The following PTPN3 variants were observed in gnomAD, a reference collection of about 807,000 sequenced individuals.
The protein encoded by PTPN3 is tyrosine-protein phosphatase non-receptor type 3.
In PTPN3, 96 loss-of-function variants were observed where a neutral mutation model predicts 132.7. The ratio of observed to expected loss-of-function variants is 0.72; its 90% CI spans 0.61 to 0.86. The LOEUF is 0.86. PTPN3 is among the 40% of genes least tolerant of loss of function. The pLI is 0.00. For missense variants in PTPN3, 1,125 were observed against 1,159.6 expected (o/e 0.97, Z 0.43); for synonymous variants, 398 against 429.0 (o/e 0.93, Z 0.89).
intron 17 of PTPN3, among the ~76,000 whole-genome samples, 195 bp downstream of exon 17, chr9:109,408,126 T>C (rs909825586): frequency 2.0e-5 from 3 of 152,190 alleles, no homozygotes; most frequent in African/African-American, 7.2e-5. Flanking sequence ...GCATTTCTAA[T>C]GAGGTCCCAG....
intron 5 of PTPN3, chr9:109,451,085 C>T (rs1311230440): frequency 1.0e-6 from 1 of 972,000 alleles, no homozygotes; most frequent in African/African-American, 1.8e-5. Flanking sequence ...TGGTAGAAGC[C>T]TGGTCCAAGA....
chr9:109,411,717 T>C (rs1842091682), intron 14 of PTPN3, among the ~76,000 whole-genome samples: 1 of 152,234 alleles, frequency 6.6e-6, no homozygotes, highest in African/African-American at 2.4e-5. Context: ...ATGAAATTGG[T>C]GCTTCTCTTT....
chr9:109,433,876 C>T (rs1843834783), intron 9 of PTPN3, among the ~76,000 whole-genome samples: 1 of 145,430 alleles, frequency 6.9e-6, no homozygotes, highest in African/African-American at 2.6e-5. Flanking sequence ...CGTGATTGTG[C>T]CACCATGCTC....
At chr9:109,393,543 C>T (rs1399263624) in intron 19 of PTPN3, among the ~76,000 whole-genome samples, 1 of 151,846 alleles carries the variant, frequency 6.6e-6, no homozygotes, top group Non-Finnish European at 1.5e-5. Context: ...TCCATCACCA[C>T]ACCTGCTTAA....
intron 22 of PTPN3, 65 bp downstream of exon 22, chr9:109,389,168 G>A (rs1839844819): frequency 6.3e-7 from 1 of 1,577,856 alleles, no homozygotes; most frequent in African/African-American, 1.3e-5. Context: ...TCAGCGCTGA[G>A]ATTCATGTTA....
chr9:109,463,151 T>C, intron 2 of PTPN3, 146 bp downstream of exon 2: 1 of 858,842 alleles, frequency 1.2e-6, no homozygotes, highest in East Asian at 2.9e-5. Flanking sequence ...TTTAAGTATT[T>C]CCAGTGCAAT....
upstream of PTPN3, among the ~76,000 whole-genome samples, chr9:109,498,875 C>T (rs1048107951): frequency 1.3e-5 from 2 of 152,186 alleles, no homozygotes; most frequent in African/African-American, 4.8e-5. The surrounding 1 kb of genome is among the most constrained non-coding windows in gnomAD (Gnocchi z 4.2). Flanking sequence ...CCGCCTTTCC[C>T]TCTGTGGGAC....
chr9:109,394,274 T>C (rs1840375721), intron 19 of PTPN3, among the ~76,000 whole-genome samples: 1 of 152,116 alleles, frequency 6.6e-6, no homozygotes, highest in Non-Finnish European at 1.5e-5. Context: ...ACAATGAAAG[T>C]GTAAATAAAA....
At chr9:109,536,694 G>A in the PTPN3 span, among the ~76,000 whole-genome samples, 1 of 152,184 alleles carries the variant, frequency 6.6e-6, no homozygotes, top group East Asian at 1.9e-4. Flanking sequence ...GCTAAGTGGG[G>A]GTAGGGGTAG....
chr9:109,445,163 A>T (rs1844763285), intron 7 of PTPN3, 77 bp downstream of exon 7: 1 of 1,443,216 alleles, frequency 6.9e-7, no homozygotes, highest in Non-Finnish European at 9.7e-7. Flanking sequence ...TTGGTCAAGC[A>T]GGAGGAACCA....
chr9:109,420,689 C>T, intron 13 of PTPN3, 89 bp from the exon 14 acceptor site: 1 of 1,351,848 alleles, frequency 7.4e-7, no homozygotes, highest in Non-Finnish European at 1.0e-6. Context: ...GTGTCCTGAC[C>T]TTTCTAAGGA....
chr9:109,529,423 G>C, the PTPN3 span, among the ~76,000 whole-genome samples: 1 of 145,018 alleles, frequency 6.9e-6, no homozygotes, highest in Non-Finnish European at 1.6e-5. Flanking sequence ...ACCACTGTCC[G>C]AGAGAGTGCC....
chr9:109,456,208 T>C (rs1470101902), intron 4 of PTPN3, among the ~76,000 whole-genome samples: 2 of 152,252 alleles, frequency 1.3e-5, no homozygotes, highest in Non-Finnish European at 2.9e-5. Context: ...CAAATCCACT[T>C]GCCCTTCTCC....
At chr9:109,476,061 A>T (rs1475266357) in intron 1 of PTPN3, among the ~76,000 whole-genome samples, 1 of 152,206 alleles carries the variant, frequency 6.6e-6, no homozygotes, top group Non-Finnish European at 1.5e-5. Context: ...CCCAGGTTAG[A>T]GCCCTCTAAA....
At chr9:109,526,137 A>C in the PTPN3 span, among the ~76,000 whole-genome samples, 1 of 152,212 alleles carries the variant, frequency 6.6e-6, no homozygotes, top group Non-Finnish European at 1.5e-5. Context: ...GCCACAAAAT[A>C]TTTAGGAATA....
At chr9:109,441,527 T>C (rs989150629) in intron 7 of PTPN3, among the ~76,000 whole-genome samples, 3 of 152,142 alleles carry the variant, frequency 2.0e-5, no homozygotes, top group African/African-American at 7.2e-5. Flanking sequence ...CACATCTGCC[T>C]CCCTACAGGC....
chr9:109,491,199 CAAA>C (rs377168790), intron 1 of PTPN3, among the ~76,000 whole-genome samples: 8 of 118,168 alleles, frequency 6.8e-5, no homozygotes, highest in Non-Finnish European at 1.1e-4. Context: ...CACTCTCTCT[CAAA>C]AAAAAAAAAA....
the PTPN3 span, among the ~76,000 whole-genome samples, chr9:109,519,490 G>A: frequency 1.3e-5 from 2 of 152,224 alleles, no homozygotes; most frequent in Admixed American, 6.5e-5. Flanking sequence ...AGGAGCATCA[G>A]TAGTAATACC....
chr9:109,435,401 TC>T (rs1843972538), intron 9 of PTPN3, among the ~76,000 whole-genome samples: 1 of 152,152 alleles, frequency 6.6e-6, no homozygotes, highest in South Asian at 2.1e-4. Context: ...AGCTTCCTGT[TC>T]CCTTGTGACA....
Sources: allele counts gnomAD v4.1 joint callset (sites outside exome capture counted in the v4.1 genomes callset), GRCh38; gene constraint gnomAD v4.1.1; non-coding constraint Gnocchi (gnomAD v3.1); transcripts MANE v1.5; gene names NCBI Gene and HGNC (gene_info 2026-07-23, HGNC 2026-07-21).